Variants in DKK3 observed in about 807,000 individuals in gnomAD.
DKK3 encodes the protein dickkopf-related protein 3.
In DKK3, 22 loss-of-function variants were observed where a neutral mutation model predicts 33.2. That is an observed-to-expected ratio of 0.66 (90% CI 0.47 to 0.95). DKK3 has a LOEUF of 0.95. DKK3 is among the 40% of genes least tolerant of loss of function. The probability of loss-of-function intolerance (pLI) is 0.00; values close to 1 mark genes in which losing one functional copy is unlikely to be tolerated. For synonymous variants in DKK3, 194 were observed against 188.8 expected, an observed-to-expected ratio of 1.03 and a Z score of -0.23; for missense variants, 398 against 458.4, an observed-to-expected ratio of 0.87 and a Z score of 1.20.
At chr11:11,989,038 G>A (rs1848132592) in intron 3 of DKK3, among the ~76,000 whole-genome samples, 1 of 152,154 alleles carries the variant, frequency 6.6e-6, no homozygotes, top group Admixed American at 6.5e-5. Context: ...ATGTCCTCTA[G>A]TGCCTACAGT....
chr11:11,964,959 G>C (rs1847551996), intron 6 of DKK3, among the ~76,000 whole-genome samples: 1 of 152,194 alleles, frequency 6.6e-6, no homozygotes. Flanking sequence ...CAGCCCAGGG[G>C]CAGGACCTGA....
In DKK3 at chr11:11,964,025, G is replaced by A. The variant is rs937961919; in HGVS notation, c.*439C>T. ...TACCTATGCCCATGGAAAGAACTGC[G>A]TGGAAAATTCATTTGTTGCATTTTT... On this transcript the variant is annotated 3_prime_UTR_variant, in exon 7 of 7. Transcript: ENST00000683431. 5.5e-6 allele frequency: 1 copy of A among 181,292 alleles called. No individual in the cohort carries two copies. The highest frequency in any genetic ancestry group is 1.2e-5 in the Non-Finnish European group (1 of 85,666). The allele number at this position is 181,292 out of a possible 1,614,324, so 11.2% of individuals were successfully genotyped here. A position where few individuals can be genotyped will look rare whatever the true frequency, so the allele number is the denominator to read the frequency against.
chr11:11,967,256 G>A (rs56205137), intron 4 of DKK3, among the ~76,000 whole-genome samples, 158 bp from the exon 5 acceptor site: 17,932 of 152,270 alleles, frequency 0.12, 1,345 homozygotes, highest in Middle Eastern at 0.37. Flanking sequence ...GTGGGACAGA[G>A]GTGGGAGCTT....
chr11:12,001,334 A>G (rs913461478), intron 2 of DKK3, among the ~76,000 whole-genome samples: 1 of 152,268 alleles, frequency 6.6e-6, no homozygotes, highest in Non-Finnish European at 1.5e-5. Flanking sequence ...CAGTGGGAGA[A>G]GTGCCACACA....
chr11:11,988,697 G>A (rs1564917577), intron 3 of DKK3, among the ~76,000 whole-genome samples: 2 of 152,222 alleles, frequency 1.3e-5, no homozygotes, highest in Middle Eastern at 3.2e-3. Context: ...GGGTAAGGGT[G>A]GGGCTCATAA....
intron 3 of DKK3, among the ~76,000 whole-genome samples, chr11:11,971,695 T>C (rs931922503): frequency 1.3e-5 from 2 of 152,224 alleles, no homozygotes; most frequent in African/African-American, 4.8e-5. Flanking sequence ...CATCAATTCC[T>C]ATAAGACCCT....
intron 6 of DKK3, among the ~76,000 whole-genome samples, chr11:11,964,887 T>G (rs1047807134): frequency 6.6e-6 from 1 of 152,152 alleles, no homozygotes; most frequent in Admixed American, 6.5e-5. Flanking sequence ...GAGAATGTGC[T>G]GGTGGGGGGC....
chr11:12,009,714 A>G (rs548265716), upstream of DKK3: 3 of 985,764 alleles, frequency 3.0e-6, no homozygotes, highest in African/African-American at 1.7e-5. Flanking sequence ...CATTCAAGCC[A>G]TCACCGCTGG....
At chr11:12,009,409 C>A, upstream of DKK3, 2 of 970,086 alleles carry the variant, frequency 2.1e-6, no homozygotes, top group Non-Finnish European at 2.4e-6. Flanking sequence ...GCCCACCCCG[C>A]CCCGCGGAGG....
chr11:11,996,133 T>C (rs1169371377), intron 3 of DKK3, among the ~76,000 whole-genome samples: 1 of 152,222 alleles, frequency 6.6e-6, no homozygotes, highest in Non-Finnish European at 1.5e-5. Flanking sequence ...GCATATGATT[T>C]GTCCTTTGCC....
chr11:12,009,273 G>T (rs1032579770), upstream of DKK3: 20 of 984,176 alleles, frequency 2.0e-5, no homozygotes, highest in Non-Finnish European at 2.3e-5. Flanking sequence ...CGCGGTGGGC[G>T]GGCCGCGGGT....
chr11:11,987,611 C>A (rs1032304429), intron 3 of DKK3, among the ~76,000 whole-genome samples: 1 of 151,976 alleles, frequency 6.6e-6, no homozygotes. Flanking sequence ...GCCATGTGCC[C>A]GGAGGTGGGG....
chr11:11,970,983 C>T (rs1847712313), intron 3 of DKK3, among the ~76,000 whole-genome samples: 1 of 150,508 alleles, frequency 6.6e-6, no homozygotes. Flanking sequence ...ATGTTAGTTT[C>T]AGGAAATAGG....
upstream of DKK3, chr11:12,009,267 G>A (rs902428576): frequency 1.2e-5 from 12 of 984,434 alleles, no homozygotes; most frequent in African/African-American, 1.4e-4. Context: ...GAGCGGCGCG[G>A]TGGGCGGGCC....
intron 3 of DKK3, among the ~76,000 whole-genome samples, chr11:11,992,718 A>C (rs1385391992): frequency 6.6e-6 from 1 of 152,220 alleles, no homozygotes; most frequent in Non-Finnish European, 1.5e-5. Flanking sequence ...ACAGTTCTCA[A>C]ACAGCCATCC....
upstream of DKK3, chr11:12,009,275 G>T (rs867020606): frequency 4.1e-6 from 4 of 984,088 alleles, no homozygotes; most frequent in South Asian, 1.9e-4. Context: ...CGGTGGGCGG[G>T]CCGCGGGTGC....
intron 3 of DKK3, among the ~76,000 whole-genome samples, chr11:11,974,657 A>G (rs1420295471): frequency 6.6e-6 from 1 of 152,222 alleles, no homozygotes; most frequent in Non-Finnish European, 1.5e-5. Flanking sequence ...TAAAATGGAA[A>G]TTGAATTTCA....
intron 1 of DKK3, among the ~76,000 whole-genome samples, chr11:12,006,113 T>C (rs1204433501): frequency 2.0e-5 from 3 of 152,152 alleles, no homozygotes; most frequent in African/African-American, 7.2e-5. Context: ...CTTAACCCCA[T>C]TTTAGGCAGT....
At chr11:11,966,041 G>C in intron 5 of DKK3, 76 bp from the exon 6 acceptor site, 1 of 1,482,172 alleles carries the variant, frequency 6.7e-7, no homozygotes, top group East Asian at 2.5e-5. Context: ...CAAAGAAATG[G>C]AGCATAACCT....
Sources: allele counts gnomAD v4.1 joint callset (sites outside exome capture counted in the v4.1 genomes callset), GRCh38; gene constraint gnomAD v4.1.1; transcripts MANE v1.5; gene names NCBI Gene and HGNC (gene_info 2026-07-23, HGNC 2026-07-21).